The following CAMK1 variants were observed in gnomAD, a reference collection of about 807,000 sequenced individuals.
CAMK1 encodes the protein calcium/calmodulin dependent protein kinase I, also known as calcium/calmodulin-dependent protein kinase type 1.
In CAMK1, 39 loss-of-function variants were observed where a neutral mutation model predicts 49.1. The ratio of observed to expected loss-of-function variants is 0.79; its 90% CI spans 0.62 to 1.04. The LOEUF (loss-of-function observed/expected upper bound fraction) is 1.04, where lower values mean the gene tolerates loss of function less well. Ranked by LOEUF, CAMK1 falls within the 50% of genes least tolerant of loss-of-function variation. The probability of loss-of-function intolerance (pLI) is 0.00; values close to 1 mark genes in which losing one functional copy is unlikely to be tolerated. For missense variants in CAMK1, 457 were observed against 472.2 expected, an observed-to-expected ratio of 0.97 and a Z score of 0.30; for synonymous variants, 192 against 185.2, an observed-to-expected ratio of 1.04 and a Z score of -0.30.
chr3:9,768,142 C>T (rs1362179279), intron 1 of CAMK1, among the ~76,000 whole-genome samples: 4 of 152,064 alleles, frequency 2.6e-5, no homozygotes, highest in African/African-American at 9.7e-5. Context: ...CCTGGAGGAT[C>T]CCCCTGTCCC....
At chr3:9,761,787 A>G (rs769181183) in intron 5 of CAMK1, 30 bp from the exon 6 acceptor site, 2 of 1,613,084 alleles carry the variant, frequency 1.2e-6, no homozygotes, top group Admixed American at 3.3e-5. Context: ...GAGAAGGGGC[A>G]ATCAGAGATG....
intron 2 of CAMK1, chr3:9,766,159 T>A: frequency 1.0e-6 from 1 of 955,134 alleles, no homozygotes; most frequent in Non-Finnish European, 1.6e-6. Context: ...GTTGAGCTGG[T>A]AGGATGTAAG....
intron 2 of CAMK1, chr3:9,766,294 C>T: frequency 1.4e-6 from 1 of 700,470 alleles, no homozygotes. Context: ...TTATGTGGCC[C>T]TCTGGATCCA....
At chr3:9,767,520 G>T in intron 2 of CAMK1, 147 bp downstream of exon 2, 1 of 958,528 alleles carries the variant, frequency 1.0e-6, no homozygotes, top group Non-Finnish European at 1.5e-6. Context: ...ATCCAGAAGT[G>T]AAAAGCTGGG....
At chr3:9,761,600 C>T (rs1462951595) in intron 6 of CAMK1, 31 bp downstream of exon 6, 1 of 1,613,632 alleles carries the variant, frequency 6.2e-7, no homozygotes, top group African/African-American at 1.3e-5. Flanking sequence ...TTCCCCCCAC[C>T]ATCACAGCCC....
intron 2 of CAMK1, chr3:9,766,480 C>CAA: frequency 2.9e-6 from 1 of 349,592 alleles, no homozygotes; most frequent in Non-Finnish European, 5.2e-6. Flanking sequence ...GATCCTGGGT[C>CAA]AAAAAAAAGA....
intron 7 of CAMK1, chr3:9,761,067 G>A (rs1026249933): frequency 6.5e-5 from 25 of 387,158 alleles, no homozygotes; most frequent in Non-Finnish European, 1.1e-4. Context: ...CCTCCACAGC[G>A]AGCCCTTCCC....
chr3:9,762,589 A>G (rs2077936367), intron 5 of CAMK1, among the ~76,000 whole-genome samples: 1 of 151,878 alleles, frequency 6.6e-6, no homozygotes, highest in South Asian at 2.1e-4. Flanking sequence ...GCTGGTCTCG[A>G]ACTGACCTCA....
chr3:9,765,354 T>C (rs747290220), intron 3 of CAMK1, among the ~76,000 whole-genome samples: 1 of 152,044 alleles, frequency 6.6e-6, no homozygotes, highest in Non-Finnish European at 1.5e-5. Context: ...CATAGACCAG[T>C]TGGTTGTGGA....
intron 3 of CAMK1, among the ~76,000 whole-genome samples, chr3:9,763,666 C>T (rs935253340): frequency 6.6e-6 from 1 of 152,186 alleles, no homozygotes. Flanking sequence ...CAGTGAGCCA[C>T]TGCACCCAGC....
Position 9,761,608 on chromosome 3 carries a change from C to T in CAMK1, c.556+23G>A, listed in dbSNP as rs775695293. ...CTCCTGGTTCCCCCCACCATCACAG[C>T]CCCAGCCCAGGGCCCTCCGCACCCA... On this transcript the variant is annotated intron_variant, in intron 6 of 11. Transcript: ENST00000256460. 10 of 1,613,916 alleles carry T rather than the reference C, an allele frequency of 6.2e-6. No homozygotes were observed. In the South Asian group the frequency reaches 7.7e-5, roughly 12 times the overall value.
chr3:9,760,718 T>G lies in CAMK1; in HGVS notation c.683A>C (p.Glu228Ala), dbSNP rs760839181. ...CTCGTACTCGGCCTTCAAAATCTGTTCAAAGAGTTTGGCATCATTCTCGTC... is the reference window on the plus strand; with the variant it reads ...CTCGTACTCGGCCTTCAAAATCTGTGCAAAGAGTTTGGCATCATTCTCGTC... ...FYDENDAKLF[E>A]QILKAEYEFD... The change falls in exon 8 of 12, where the codon GAA becomes GCA. Residue 228 changes from glutamate (E) to alanine (A), a missense_variant. Glu to Ala is a moderately radical substitution (Grantham distance 107). Coordinates refer to ENST00000256460, the MANE Select transcript of CAMK1 (RefSeq NM_003656.5). The G allele has an allele frequency of 1.5e-5, 25 of 1,613,910 alleles. No homozygotes were observed. The highest frequency in any genetic ancestry group is 2.0e-5 in the Non-Finnish European group (24 of 1,179,978).
In CAMK1 at chr3:9,762,769, C is replaced by T. The variant is rs147101737; in HGVS notation, c.429+145G>A. On this transcript the variant is annotated intron_variant, in intron 5 of 11. Coordinates refer to ENST00000256460, the MANE Select transcript of CAMK1 (RefSeq NM_003656.5). ...GTATCTGGACTAGAATGGGAGGAGG[C>T]AGTTTAAAGGTTACAAGATCCACTT... The T allele has an allele frequency of 1.1e-3, 743 of 702,914 alleles. 4 individuals are homozygous for T. The African/African-American group carries it at 0.012, about 11-fold the overall frequency. The allele number at this position is 702,914 out of a possible 1,614,324, so 43.5% of individuals were successfully genotyped here.
At position 9,761,616 on chromosome 3, in the gene CAMK1, C is replaced by T; in HGVS notation, c.556+15G>A. On this transcript the variant is annotated intron_variant, in intron 6 of 11. Transcript: ENST00000256460. ...TCCCCCCACCATCACAGCCCCAGCCCAGGGCCCTCCGCACCCACGTATCCC... is the reference window on the plus strand; with the variant it reads ...TCCCCCCACCATCACAGCCCCAGCCTAGGGCCCTCCGCACCCACGTATCCC... The T allele has an allele frequency of 6.2e-7, 1 of 1,614,110 alleles. No individual in the cohort carries two copies. Among genetic ancestry groups the T allele is most frequent in the East Asian group, 2.2e-5 (1 of 44,878 alleles).
chr3:9,758,964 A>G lies in CAMK1; in HGVS notation c.912+524T>C, dbSNP rs1053420729. Reference sequence around the variant, plus strand: ...CTTTCTATGCAGCAAATACTTGCCTAAGATTCTTCTGGGGCTCCTCAGTGC... The same window carrying G: ...CTTTCTATGCAGCAAATACTTGCCTGAGATTCTTCTGGGGCTCCTCAGTGC... On this transcript the variant is annotated intron_variant, in intron 10 of 11. Transcript: ENST00000256460. 4 of 530,054 alleles carry G rather than the reference A, an allele frequency of 7.5e-6. No individual in the cohort carries two copies. In the African/African-American group the frequency reaches 7.7e-5, roughly 10 times the overall value. The allele number at this position is 530,054 out of a possible 1,614,324, so 32.8% of individuals were successfully genotyped here. A position where few individuals can be genotyped will look rare whatever the true frequency, so the allele number is the denominator to read the frequency against.
Position 9,764,611 on chromosome 3 carries a change from G to GTTTTT in CAMK1, c.215+1143_215+1147dup, listed in dbSNP as rs1310854701. ...ACAGGCGTGAGCCACTGCGCCTGGC[G>GTTTTT]TTTTTGTTTTTTTTTTGTTTTTTTT... On this transcript the variant is annotated intron_variant, in intron 3 of 11. Coordinates refer to ENST00000256460, the MANE Select transcript of CAMK1 (RefSeq NM_003656.5). Among the ~76,000 whole-genome samples, 96 of 125,122 alleles carry GTTTTT rather than the reference G, an allele frequency of 7.7e-4. 9 individuals carry two copies. Among genetic ancestry groups the GTTTTT allele is most frequent in the East Asian group, 2.8e-3 (9 of 3,240 alleles). The allele number at this position is 125,122 out of a possible 152,430, so 82.1% of individuals were successfully genotyped here. A position where few individuals can be genotyped will look rare whatever the true frequency, so the allele number is the denominator to read the frequency against.
At chr3:9,768,221 C>T (rs887231063) in intron 1 of CAMK1, among the ~76,000 whole-genome samples, 6 of 152,188 alleles carry the variant, frequency 3.9e-5, no homozygotes, top group Non-Finnish European at 5.9e-5. Flanking sequence ...CTCCTTCCCC[C>T]GACTCCCCGG....
intron 8 of CAMK1, 110 bp from the exon 9 acceptor site, chr3:9,759,860 CA>C: frequency 6.3e-7 from 1 of 1,587,454 alleles, no homozygotes; most frequent in Non-Finnish European, 8.6e-7. Flanking sequence ...ACAAAGAGGC[CA>C]AATCAGTCCA....
At chr3:9,761,188 G>A (rs1441250221) in intron 7 of CAMK1, 2 of 412,222 alleles carry the variant, frequency 4.9e-6, no homozygotes, top group Non-Finnish European at 8.8e-6. Flanking sequence ...TTTACTTGTT[G>A]ATTGTCTGTC....
Sources: gnomAD v4.1 joint callset for allele counts (sites outside exome capture counted in the v4.1 genomes callset) on GRCh38, gnomAD v4.1.1 for gene constraint, MANE v1.5 for transcripts, NCBI Gene and HGNC (gene_info 2026-07-23, HGNC 2026-07-21) for gene names.